The following KDM4C variants were observed in gnomAD, a reference collection of about 807,000 sequenced individuals.
KDM4C encodes lysine-specific demethylase 4C.
KDM4C carries 81 observed loss-of-function variants against 129.3 expected under a neutral mutation model. That is an observed-to-expected ratio of 0.63 (90% confidence interval 0.52 to 0.75). The LOEUF (loss-of-function observed/expected upper bound fraction) is 0.75, where lower values mean the gene tolerates loss of function less well. Ranked by LOEUF, KDM4C falls within the 30% of genes least tolerant of loss-of-function variation. KDM4C has a pLI of 0.00. For missense variants in KDM4C, 1,457 were observed against 1,304.0 expected (o/e 1.12, Z -1.81); for synonymous variants, 573 against 456.1 (o/e 1.26, Z -3.26).
At chr9:6,798,204 A>T (rs1588333812) in intron 2 of KDM4C, among the ~76,000 whole-genome samples, 1 of 152,032 alleles carries the variant, frequency 6.6e-6, no homozygotes, top group Non-Finnish European at 1.5e-5. Context: ...CTGTCTTTAG[A>T]AAATTGCTGC....
At chr9:6,892,227 T>G (rs1350888079) in intron 7 of KDM4C, among the ~76,000 whole-genome samples, 1 of 152,164 alleles carries the variant, frequency 6.6e-6, no homozygotes, top group African/African-American at 2.4e-5. Flanking sequence ...TTAGAAACAT[T>G]TTAAGATCAG....
intron 21 of KDM4C, 76 bp downstream of exon 21, chr9:7,169,966 C>G: frequency 6.2e-7 from 1 of 1,603,654 alleles, no homozygotes; most frequent in Non-Finnish European, 8.5e-7. Context: ...CCAAGCCCAG[C>G]AGGAAACATA....
intron 15 of KDM4C, among the ~76,000 whole-genome samples, chr9:7,036,375 C>T (rs181449527): frequency 3.1e-3 from 472 of 152,216 alleles, no homozygotes; most frequent in Non-Finnish European, 4.9e-3. Flanking sequence ...GCTCAGGACC[C>T]TGGAAATACT....
chr9:7,142,291 T>C (rs1841824711), intron 19 of KDM4C, among the ~76,000 whole-genome samples: 1 of 152,196 alleles, frequency 6.6e-6, no homozygotes, highest in Non-Finnish European at 1.5e-5. Context: ...CTGTTTCCTT[T>C]TTAAAATTTT....
intron 15 of KDM4C, among the ~76,000 whole-genome samples, chr9:7,022,862 G>T (rs897517927): frequency 3.3e-5 from 5 of 152,106 alleles, no homozygotes; most frequent in African/African-American, 1.2e-4. Flanking sequence ...ATGAAGGGAT[G>T]TTGGACTTTA....
chr9:7,035,988 A>G (rs777283160), intron 15 of KDM4C, among the ~76,000 whole-genome samples: 4 of 152,112 alleles, frequency 2.6e-5, no homozygotes, highest in Non-Finnish European at 5.9e-5. Flanking sequence ...GTTCCATACA[A>G]ATGTTAGGGT....
At chr9:6,821,390 C>T (rs1012997147) in intron 4 of KDM4C, among the ~76,000 whole-genome samples, 1 of 152,076 alleles carries the variant, frequency 6.6e-6, no homozygotes, top group African/African-American at 2.4e-5. Context: ...CTGTTGTTTC[C>T]TGACTTTTTA....
chr9:7,132,609 A>G (rs1840762600), intron 19 of KDM4C, among the ~76,000 whole-genome samples: 1 of 152,224 alleles, frequency 6.6e-6, no homozygotes, highest in Admixed American at 6.5e-5. Context: ...AGTCTATGAA[A>G]TTGGGACACA....
At chr9:7,039,487 C>T (rs757353431) in intron 15 of KDM4C, among the ~76,000 whole-genome samples, 11 of 151,440 alleles carry the variant, frequency 7.3e-5, no homozygotes, top group Non-Finnish European at 1.5e-4. Context: ...TATTAAAATA[C>T]AGCTGACCCT....
chr9:7,136,511 C>G (rs559930160), intron 19 of KDM4C, among the ~76,000 whole-genome samples: 143 of 152,286 alleles, frequency 9.4e-4, no homozygotes, highest in African/African-American at 3.1e-3. Context: ...GTCTTTTGGA[C>G]AATAACCATT....
At chr9:6,829,208 G>C (rs184538445) in intron 4 of KDM4C, among the ~76,000 whole-genome samples, 1 of 152,312 alleles carries the variant, frequency 6.6e-6, no homozygotes, top group Non-Finnish European at 1.5e-5. Context: ...GGAGTGTAAA[G>C]AGGTGAAGAT....
intron 17 of KDM4C, among the ~76,000 whole-genome samples, chr9:7,055,375 A>G (rs1264760376): frequency 2.6e-5 from 4 of 152,350 alleles, no homozygotes; most frequent in African/African-American, 9.6e-5. Context: ...TGGGCATTCG[A>G]TGACCTCTGA....
At position 7,025,440 on chromosome 9, in the gene KDM4C, A is replaced by G. The variant is rs566047338; in HGVS notation, c.2259+9511A>G. On this transcript the variant is annotated intron_variant, in intron 15 of 21. Transcript: ENST00000381309. ...TTTGTGGTCTTCTCTTCCTTTCTTC[A>G]TTCCTTCATTTCTTTTATTGAAGGT... 1.0e-3 allele frequency among the ~76,000 whole-genome samples: 157 copies of G among 152,150 alleles called. 1 individual carries two copies. The highest frequency in any genetic ancestry group is 3.4e-3 in the African/African-American group (141 of 41,502).
At chr9:6,927,702 G>A (rs903842034) in intron 8 of KDM4C, among the ~76,000 whole-genome samples, 14 of 152,118 alleles carry the variant, frequency 9.2e-5, no homozygotes, top group African/African-American at 3.1e-4. Flanking sequence ...TTTCATCTAC[G>A]TATCAACCCT....
At chr9:7,053,992 T>C (rs529974117) in intron 17 of KDM4C, among the ~76,000 whole-genome samples, 46 of 152,366 alleles carry the variant, frequency 3.0e-4, no homozygotes, top group African/African-American at 9.4e-4. Flanking sequence ...TTTTATATTA[T>C]GTAGTATTTT....
chr9:6,776,921 G>T (rs147296903), intron 1 of KDM4C, among the ~76,000 whole-genome samples: 2 of 152,128 alleles, frequency 1.3e-5, no homozygotes, highest in Non-Finnish European at 2.9e-5. Context: ...CCTTTTAAAG[G>T]CTTCTCCTAC....
intron 17 of KDM4C, among the ~76,000 whole-genome samples, chr9:7,052,894 A>AGAGACAGAGAGAGAGC (rs1830364408): frequency 9.5e-6 from 1 of 105,468 alleles, no homozygotes; most frequent in Non-Finnish European, 2.0e-5. Context: ...AGAGAGAGAG[A>AGAGACAGAGAGAGAGC]GAGAGAGCGA....
chr9:6,933,934 C>G (rs906793215), intron 8 of KDM4C, among the ~76,000 whole-genome samples: 3 of 151,930 alleles, frequency 2.0e-5, no homozygotes, highest in African/African-American at 7.3e-5. Context: ...ATGACAATCT[C>G]CACCTGCTGG....
intron 19 of KDM4C, among the ~76,000 whole-genome samples, chr9:7,158,627 C>T (rs1017777531): frequency 6.6e-6 from 1 of 152,168 alleles, no homozygotes; most frequent in Non-Finnish European, 1.5e-5. Flanking sequence ...GCAGGTTGTT[C>T]AGTTTCCATG....
Sources: gnomAD v4.1 joint callset for allele counts (sites outside exome capture counted in the v4.1 genomes callset) on GRCh38, gnomAD v4.1.1 for gene constraint, MANE v1.5 for transcripts, NCBI Gene and HGNC (gene_info 2026-07-23, HGNC 2026-07-21) for gene names.